The following CTCF variants were observed in gnomAD, a reference collection of about 807,000 sequenced individuals.
CTCF encodes the protein CCCTC-binding factor.
CTCF carries 7 observed loss-of-function variants against 72.3 expected under a neutral mutation model. The ratio of observed to expected loss-of-function variants is 0.10; its 90% CI spans 0.06 to 0.18. The LOEUF (loss-of-function observed/expected upper bound fraction) is 0.18, where lower values mean the gene tolerates loss of function less well. CTCF is among the 10% of genes least tolerant of loss of function. CTCF has a pLI of 1.00. For synonymous variants in CTCF, 374 were observed against 315.8 expected, an observed-to-expected ratio of 1.18 and a Z score of -1.95; for missense variants, 516 against 949.1, an observed-to-expected ratio of 0.54 and a Z score of 6.00.
intron 2 of CTCF, among the ~76,000 whole-genome samples, chr16:67,579,282 AAAAT>A (rs560621886): frequency 1.3e-5 from 2 of 152,222 alleles, no homozygotes; most frequent in South Asian, 2.1e-4. Flanking sequence ...ATAAAAATAA[AAAAT>A]AAAGCACAAA....
chr16:67,612,616 A>AT (rs2052076171), intron 4 of CTCF, among the ~76,000 whole-genome samples: 2 of 151,142 alleles, frequency 1.3e-5, no homozygotes, highest in Non-Finnish European at 2.9e-5. Context: ...AAGAAATAGA[A>AT]GTGAAATCCT....
chr16:67,625,281 C>G (rs922167165), intron 7 of CTCF, among the ~76,000 whole-genome samples: 1 of 152,084 alleles, frequency 6.6e-6, no homozygotes, highest in African/African-American at 2.4e-5. Context: ...ACCTCTGCCC[C>G]CCAGGTTCAA....
chr16:67,612,264 G>A, intron 4 of CTCF, 143 bp downstream of exon 4: 1 of 698,804 alleles, frequency 1.4e-6, no homozygotes, highest in South Asian at 2.3e-5. Flanking sequence ...TGATTTTATT[G>A]TAAGCACTTG....
At chr16:67,608,961 G>A (rs773587121) in intron 2 of CTCF, among the ~76,000 whole-genome samples, 4 of 151,488 alleles carry the variant, frequency 2.6e-5, no homozygotes, top group Non-Finnish European at 2.9e-5. Flanking sequence ...GGGTGGTCTC[G>A]TACTCCCGAC....
chr16:67,593,613 C>T (rs1193986491), intron 2 of CTCF, among the ~76,000 whole-genome samples: 2 of 152,124 alleles, frequency 1.3e-5, no homozygotes. Flanking sequence ...AGGTACCCTT[C>T]ATGTTGACTT....
At chr16:67,579,996 G>GAAA (rs2051558254) in intron 2 of CTCF, among the ~76,000 whole-genome samples, 1 of 152,140 alleles carries the variant, frequency 6.6e-6, no homozygotes, top group Non-Finnish European at 1.5e-5. Context: ...TTTCAGCATG[G>GAAA]TGGTTTCAGA....
intron 2 of CTCF, among the ~76,000 whole-genome samples, chr16:67,601,768 G>A (rs548333483): frequency 1.4e-3 from 215 of 152,022 alleles, no homozygotes; most frequent in Non-Finnish European, 2.5e-3. Context: ...TGGAAGCACA[G>A]TTGGTTTCTA....
rs1012956114 is a variant in CTCF at position 67,612,136 on chromosome 16, T to C, written c.952+15T>C. On this transcript the variant is annotated intron_variant, in intron 4 of 11. Transcript: ENST00000264010. Reference sequence around the variant, plus strand: ...CACACACACAGGTGCTGGATAAGAATGTTGGGGGCTACAACAGCAAATGCT... The same window carrying C: ...CACACACACAGGTGCTGGATAAGAACGTTGGGGGCTACAACAGCAAATGCT... 13 of 1,600,448 alleles carry C rather than the reference T, an allele frequency of 8.1e-6. No homozygotes were observed. The highest frequency in any genetic ancestry group is 1.1e-5 in the South Asian group (1 of 89,130).
At position 67,611,220 on chromosome 16, in the gene CTCF, T is replaced by C; in HGVS notation, c.388T>C (p.Ser130Pro). The C allele has an allele frequency of 6.2e-7, 1 of 1,614,110 alleles. No homozygotes were observed. Among genetic ancestry groups the C allele is most frequent in the Non-Finnish European group, 8.5e-7 (1 of 1,180,026 alleles). ...TGTGACTGTACCTGTTGCTACCACT[T>C]CAGTAGAAGAACTTCAGGGGGCTTA... is the stretch of plus-strand genomic sequence containing the variant. ...VPVTVPVATTSVEELQGAYEN... is the reference protein window; with the variant it reads ...VPVTVPVATTPVEELQGAYEN... Residue 130 changes from serine (S) to proline (P), a missense_variant, in exon 3 of 12, where the codon TCA becomes CCA. Ser to Pro is a moderately conservative substitution (Grantham distance 74). Transcript: ENST00000264010.
Position 67,638,883 on chromosome 16 carries a change from C to CTAAA in CTCF, c.*1012_*1015dup. On this transcript the variant is annotated 3_prime_UTR_variant, in exon 12 of 12. Transcript: ENST00000264010. ...ATAAAATAATGTGAAGCAAAACCAA[C>CTAAA]TAAAAAGTGATTCTTGCACATGAAC... The CTAAA allele has an allele frequency of 4.8e-6, 1 of 207,496 alleles. No individual in the cohort carries two copies. The highest frequency in any genetic ancestry group is 9.9e-6 in the Non-Finnish European group (1 of 101,446). 12.9% of individuals were successfully genotyped at this position (207,496 alleles called of 1,614,324 possible). A position where few individuals can be genotyped will look rare whatever the true frequency, so the allele number is the denominator to read the frequency against.
At chr16:67,620,849 G>T in intron 6 of CTCF, 32 bp downstream of exon 6, 2 of 1,521,754 alleles carry the variant, frequency 1.3e-6, no homozygotes, top group Non-Finnish European at 1.8e-6. Context: ...CTGTATTAAT[G>T]AGCTTCTTTT....
At chr16:67,637,132 A>C (rs1597733670) in intron 11 of CTCF, among the ~76,000 whole-genome samples, 1 of 152,216 alleles carries the variant, frequency 6.6e-6, no homozygotes, top group Non-Finnish European at 1.5e-5. Context: ...TTTGAAAAAC[A>C]ACCAAAGTCA....
intron 8 of CTCF, 64 bp from the exon 9 acceptor site, chr16:67,628,306 G>T: frequency 4.8e-6 from 7 of 1,471,616 alleles, no homozygotes; most frequent in Non-Finnish European, 6.5e-6. Context: ...CATGCATGCA[G>T]GTGGCAGCTG....
At chr16:67,573,945 C>T (rs111893345) in intron 2 of CTCF, among the ~76,000 whole-genome samples, 15,732 of 151,768 alleles carry the variant, frequency 0.1, 1,011 homozygotes, top group African/African-American at 0.17. Flanking sequence ...GCAGGAGAAT[C>T]GCTTGAACCC....
intron 2 of CTCF, among the ~76,000 whole-genome samples, chr16:67,596,037 T>C (rs561101212): frequency 6.6e-6 from 1 of 152,082 alleles, no homozygotes; most frequent in South Asian, 2.1e-4. Flanking sequence ...CACTGCAACC[T>C]CCACCTCCTG....
chr16:67,573,321 C>T (rs954307650), intron 2 of CTCF, among the ~76,000 whole-genome samples: 2 of 150,318 alleles, frequency 1.3e-5, no homozygotes, highest in Admixed American at 6.6e-5. Context: ...CCCAACTACT[C>T]GGGAGGCTGA....
At chr16:67,620,901 A>G (rs1255419650) in intron 6 of CTCF, 84 bp downstream of exon 6, 12 of 1,144,782 alleles carry the variant, frequency 1.0e-5, no homozygotes, top group Middle Eastern at 2.1e-4. Flanking sequence ...GTGTGTCCCC[A>G]TTGTTTATAT....
intron 2 of CTCF, among the ~76,000 whole-genome samples, chr16:67,572,287 T>TA (rs1280469520): frequency 1.3e-5 from 2 of 152,220 alleles, no homozygotes; most frequent in Non-Finnish European, 2.9e-5. Context: ...AAAAATAACT[T>TA]ACGCCCTGCA....
In CTCF at chr16:67,629,746, C is replaced by CTTTTTTTTTTTTTTT. The variant is rs71145978; in HGVS notation, c.1837+245_1837+259dup. On this transcript the variant is annotated intron_variant, in intron 10 of 11. Transcript: ENST00000264010. ...TCGTGGCATTCCGCTCATTAATGCC[C>CTTTTTTTTTTTTTTT]TTTTTTTTTTTTTTTTTTTTTTTTT... 1.7e-4 allele frequency among the ~76,000 whole-genome samples: 11 copies of CTTTTTTTTTTTTTTT among 63,362 alleles called. 5 individuals carry two copies. The highest frequency in any genetic ancestry group is 4.6e-4 in the Admixed American group (2 of 4,334). 41.6% of individuals were successfully genotyped at this position (63,362 alleles called of 152,430 possible).
Sources: allele counts gnomAD v4.1 joint callset (sites outside exome capture counted in the v4.1 genomes callset), GRCh38; gene constraint gnomAD v4.1.1; transcripts MANE v1.5; gene names NCBI Gene and HGNC (gene_info 2026-07-23, HGNC 2026-07-21).